The following GPC6 variants were observed in gnomAD, a reference collection of about 807,000 sequenced individuals.
The protein encoded by GPC6 is glypican-6.
GPC6 carries 14 observed loss-of-function variants against 55.2 expected under a neutral mutation model. The ratio of observed to expected loss-of-function variants is 0.25; its 90% confidence interval spans 0.17 to 0.40. The LOEUF is 0.40. Among genes scored for constraint, GPC6 ranks in the 10% least tolerant of loss-of-function variants. The probability of loss-of-function intolerance (pLI) is 1.00; values close to 1 mark genes in which losing one functional copy is unlikely to be tolerated. For synonymous variants in GPC6, 278 were observed against 259.6 expected, an observed-to-expected ratio of 1.07 and a Z score of -0.68; for missense variants, 641 against 708.5, an observed-to-expected ratio of 0.90 and a Z score of 1.08.
At chr13:93,930,796 G>T (rs910081354) in intron 3 of GPC6, among the ~76,000 whole-genome samples, 9 of 152,046 alleles carry the variant, frequency 5.9e-5, no homozygotes, top group African/African-American at 1.9e-4. Flanking sequence ...CTAGTATAAA[G>T]AAATTCCAGA....
intron 2 of GPC6, among the ~76,000 whole-genome samples, chr13:93,701,417 A>C (rs540323482): frequency 1.4e-4 from 21 of 152,092 alleles, no homozygotes; most frequent in Non-Finnish European, 2.1e-4. Context: ...GCTAATGATC[A>C]TCTGAGCACT....
intron 2 of GPC6, among the ~76,000 whole-genome samples, chr13:93,609,131 G>A (rs946769500): frequency 1.3e-5 from 2 of 152,156 alleles, no homozygotes; most frequent in Admixed American, 6.5e-5. Context: ...CCTTATGATC[G>A]TCTTTCTTAT....
chr13:93,727,429 C>A (rs1319114864), intron 2 of GPC6, among the ~76,000 whole-genome samples: 1 of 152,122 alleles, frequency 6.6e-6, no homozygotes, highest in African/African-American at 2.4e-5. Context: ...ATCTGGCCCA[C>A]ATCATCTCTT....
chr13:94,004,709 G>C (rs1881941403), intron 3 of GPC6, among the ~76,000 whole-genome samples: 1 of 152,110 alleles, frequency 6.6e-6, no homozygotes, highest in Admixed American at 6.5e-5. Context: ...TGCCAGGAAG[G>C]TTAAAATCAG....
At chr13:93,492,447 A>T (rs1399557536) in intron 1 of GPC6, among the ~76,000 whole-genome samples, 1 of 150,194 alleles carries the variant, frequency 6.7e-6, no homozygotes, top group African/African-American at 2.5e-5. Flanking sequence ...TTTCTGGATA[A>T]ACAATCATGT....
At chr13:94,054,293 G>C (rs1052558172) in intron 4 of GPC6, among the ~76,000 whole-genome samples, 1 of 152,208 alleles carries the variant, frequency 6.6e-6, no homozygotes, top group Admixed American at 6.5e-5. Context: ...GAGGATGGCT[G>C]ATTGTCACTC....
chr13:94,034,200 A>AGAAAGAAGGAAGGAAG (rs796156525), intron 4 of GPC6, among the ~76,000 whole-genome samples: 1,732 of 72,618 alleles, frequency 0.024, 30 homozygotes, highest in Middle Eastern at 0.054. Flanking sequence ...AAAGAAAGAA[A>AGAAAGAAGGAAGGAAG]GAAGGAAGGA....
intron 4 of GPC6, among the ~76,000 whole-genome samples, chr13:94,085,321 C>CAAA (rs33967804): frequency 0.012 from 1,066 of 86,080 alleles, 22 homozygotes; most frequent in African/African-American, 0.036. Flanking sequence ...GATTCTGTCT[C>CAAA]AAAAAAAAAA....
Position 93,261,925 on chromosome 13 carries a change from TACACACACACAC to T in GPC6, c.160+34340_160+34351del, listed in dbSNP as rs34841808. ...CACATTTATCTCCTATCTCTCCCTC[TACACACACACAC>T]ACACACACACACACACACACACACA... On this transcript the variant is annotated intron_variant, in intron 1 of 8. Coordinates refer to ENST00000377047, the MANE Select transcript of GPC6 (RefSeq NM_005708.5). Among the ~76,000 whole-genome samples, 538 of 144,612 alleles carry T rather than the reference TACACACACACAC, an allele frequency of 3.7e-3. 1 individual carries two copies. The highest frequency in any genetic ancestry group is 9.9e-3 in the East Asian group (49 of 4,950). 94.9% of individuals were successfully genotyped at this position (144,612 alleles called of 152,430 possible).
chr13:93,618,182 T>A (rs1035033034), intron 2 of GPC6, among the ~76,000 whole-genome samples: 3 of 152,110 alleles, frequency 2.0e-5, no homozygotes, highest in African/African-American at 7.2e-5. Context: ...CAATATTTAT[T>A]AAGCATGGAT....
chr13:93,539,648 T>G (rs1354957279), intron 1 of GPC6, among the ~76,000 whole-genome samples: 1 of 151,762 alleles, frequency 6.6e-6, no homozygotes, highest in Non-Finnish European at 1.5e-5. Flanking sequence ...AATCTGTGAT[T>G]AGTAAAGAAG....
At chr13:93,770,059 T>G (rs1158101093) in intron 2 of GPC6, among the ~76,000 whole-genome samples, 2 of 152,198 alleles carry the variant, frequency 1.3e-5, no homozygotes. Context: ...AGACATTTAG[T>G]TACCCTATTT....
At chr13:94,173,986 A>G (rs1888661358) in intron 4 of GPC6, among the ~76,000 whole-genome samples, 1 of 152,208 alleles carries the variant, frequency 6.6e-6, no homozygotes, top group Non-Finnish European at 1.5e-5. Context: ...AACTATGGCA[A>G]TAGCCTACTC....
intron 2 of GPC6, among the ~76,000 whole-genome samples, chr13:93,781,742 T>C (rs1405711176): frequency 1.3e-5 from 2 of 152,114 alleles, no homozygotes; most frequent in Non-Finnish European, 2.9e-5. Flanking sequence ...AAAGAAAATA[T>C]TTTATATGTA....
At chr13:94,336,319 A>G (rs958565963) in intron 6 of GPC6, among the ~76,000 whole-genome samples, 9 of 152,130 alleles carry the variant, frequency 5.9e-5, no homozygotes, top group Admixed American at 5.2e-4. Flanking sequence ...CTAGCTCAAA[A>G]TATGCTGATT....
chr13:93,593,405 A>G (rs1877577788), intron 2 of GPC6, among the ~76,000 whole-genome samples: 1 of 152,148 alleles, frequency 6.6e-6, no homozygotes, highest in Non-Finnish European at 1.5e-5. Context: ...TCATGATGTC[A>G]CTGCATAAAC....
chr13:93,783,476 A>C (rs1169455000), intron 2 of GPC6, among the ~76,000 whole-genome samples: 1 of 152,118 alleles, frequency 6.6e-6, no homozygotes, highest in African/African-American at 2.4e-5. Flanking sequence ...GTTTCTCTGC[A>C]ACCTCACCAG....
intron 3 of GPC6, among the ~76,000 whole-genome samples, chr13:93,856,650 A>G (rs1415593629): frequency 6.6e-6 from 1 of 151,640 alleles, no homozygotes; most frequent in Non-Finnish European, 1.5e-5. Context: ...TAATTTTGCA[A>G]AGATACAGAT....
At chr13:94,347,238 A>C (rs1262493595) in intron 6 of GPC6, among the ~76,000 whole-genome samples, 6 of 152,086 alleles carry the variant, frequency 3.9e-5, no homozygotes. Flanking sequence ...TGAACCACCC[A>C]GATCATGTTC....
Sources: allele counts gnomAD v4.1 joint callset (sites outside exome capture counted in the v4.1 genomes callset), GRCh38; gene constraint gnomAD v4.1.1; transcripts MANE v1.5; gene names NCBI Gene and HGNC (gene_info 2026-07-23, HGNC 2026-07-21).